Variants in TNPO1 observed in about 807,000 individuals in gnomAD.
TNPO1 encodes transportin-1.
A neutral mutation model predicts 119.5 loss-of-function variants in TNPO1; 8 were observed. The ratio of observed to expected loss-of-function variants is 0.07; its 90% CI spans 0.04 to 0.12. The LOEUF (loss-of-function observed/expected upper bound fraction) is 0.12. Among genes scored for constraint, TNPO1 ranks in the 10% least tolerant of loss-of-function variants. The pLI, the probability that TNPO1 is intolerant of heterozygous loss-of-function variation, is 1.00. For synonymous variants in TNPO1, 362 were observed against 363.0 expected (o/e 1.00, Z 0.03); for missense variants, 576 against 1,089.8 (o/e 0.53, Z 6.64).
At chr5:72,828,850 G>A (rs980784633) in intron 1 of TNPO1, among the ~76,000 whole-genome samples, 1 of 152,114 alleles carries the variant, frequency 6.6e-6, no homozygotes, top group Non-Finnish European at 1.5e-5. Context: ...AAAATTTCTA[G>A]ATGTGTATTA....
chr5:72,857,658 G>T (rs1047400623), intron 4 of TNPO1, among the ~76,000 whole-genome samples: 63 of 152,228 alleles, frequency 4.1e-4, no homozygotes, highest in African/African-American at 1.5e-3. Context: ...GGTTTCCTCT[G>T]AGTGTTGGCA....
rs1300513894 is a variant in TNPO1, at chr5:72,855,870, G to A, written c.302G>A (p.Ser101Asn). 2 of 1,613,316 alleles carry A rather than the reference G, an allele frequency of 1.2e-6. No individual in the cohort carries two copies. Among genetic ancestry groups the A allele is most frequent in the Admixed American group, 3.3e-5 (2 of 59,990 alleles). Residue 101 changes from serine (S) to asparagine (N), a missense_variant, in exon 4 of 25, where the codon AGT becomes AAT. Physicochemically the swap from Ser to Asn is conservative, Grantham distance 46. This residue lies in a region of TNPO1 where 310 missense variants were observed against 583.0 expected (regional missense o/e 0.53). Coordinates refer to ENST00000337273, the MANE Select transcript of TNPO1 (RefSeq NM_002270.4). Reference sequence around the variant, plus strand: ...AATGGTGTAACAGACTTTATTAAAAGTGAATGTTTAAATAATATTGGTGAC... The same window carrying A: ...AATGGTGTAACAGACTTTATTAAAAATGAATGTTTAAATAATATTGGTGAC... Reference protein sequence around the residue: ...FPNGVTDFIKSECLNNIGDSS... With the variant: ...FPNGVTDFIKNECLNNIGDSS...
intron 6 of TNPO1, 44 bp from the exon 7 acceptor site, chr5:72,872,595 A>G: frequency 7.1e-7 from 1 of 1,410,980 alleles, no homozygotes; most frequent in Non-Finnish European, 9.9e-7. Context: ...TAGATAGAAC[A>G]AAGTTACAAT....
intron 4 of TNPO1, among the ~76,000 whole-genome samples, chr5:72,858,749 A>G (rs1000228275): frequency 6.6e-6 from 1 of 151,798 alleles, no homozygotes; most frequent in Non-Finnish European, 1.5e-5. Flanking sequence ...AGGCAGGAGA[A>G]TGGCATGAAC....
chr5:72,835,135 C>A (rs150435644), intron 1 of TNPO1, among the ~76,000 whole-genome samples: 7 of 152,184 alleles, frequency 4.6e-5, no homozygotes, highest in African/African-American at 1.7e-4. Flanking sequence ...AATTGCCTAA[C>A]AATGCATTTC....
intron 9 of TNPO1, among the ~76,000 whole-genome samples, chr5:72,878,119 C>T (rs1348288067): frequency 6.6e-6 from 1 of 152,046 alleles, no homozygotes; most frequent in Non-Finnish European, 1.5e-5. Context: ...ACCATATTTA[C>T]ATAAATGACG....
At chr5:72,858,611 G>A (rs1210132372) in intron 4 of TNPO1, among the ~76,000 whole-genome samples, 1 of 152,170 alleles carries the variant, frequency 6.6e-6, no homozygotes. Flanking sequence ...GCCAAGGTGG[G>A]CGGATCACGA....
chr5:72,858,949 G>A (rs1028281250), intron 4 of TNPO1, among the ~76,000 whole-genome samples: 1 of 148,532 alleles, frequency 6.7e-6, no homozygotes, highest in African/African-American at 2.6e-5. Flanking sequence ...ACAAATCTGG[G>A]AAGGTTTTTT....
At chr5:72,862,170 G>A (rs1032863103) in intron 5 of TNPO1, among the ~76,000 whole-genome samples, 3 of 152,200 alleles carry the variant, frequency 2.0e-5, no homozygotes, top group Admixed American at 6.5e-5. Context: ...ATTCTTGGAT[G>A]TATATGTATG....
Position 72,911,454 on chromosome 5 carries a change from A to C in TNPO1, c.*2781A>C, listed in dbSNP as rs747823061. On this transcript the variant is annotated 3_prime_UTR_variant, in exon 25 of 25. Transcript: ENST00000337273. ...TGAGGTTATTGTTTCTTCCTAATTT[A>C]TATTTCAGATACATAGTGTAGAACA... 2.6e-5 allele frequency: 4 copies of C among 152,440 alleles called. No individual in the cohort carries two copies. Among genetic ancestry groups the C allele is most frequent in the African/African-American group, 4.8e-5 (2 of 41,438 alleles). 9.4% of individuals were successfully genotyped at this position (152,440 alleles called of 1,614,324 possible). A position where few individuals can be genotyped will look rare whatever the true frequency, so the allele number is the denominator to read the frequency against.
At chr5:72,855,065 C>T (rs1014527161) in intron 3 of TNPO1, among the ~76,000 whole-genome samples, 1 of 151,952 alleles carries the variant, frequency 6.6e-6, no homozygotes, top group Non-Finnish European at 1.5e-5. Context: ...ATCTTGGCTT[C>T]TCTGCTTGCA....
rs547233531 is a variant in TNPO1 at position 72,907,505 on chromosome 5, C to T, written c.*36-1204C>T. 2.8e-4 allele frequency among the ~76,000 whole-genome samples: 43 copies of T among 152,290 alleles called. 1 individual carries two copies. The South Asian group carries it at 8.9e-3, about 32-fold the overall frequency. ...GGATTAACTGCCCTCTGTGAATTCA[C>T]ATGAACGTTCATAAATGGCCAAAAC... On this transcript the variant is annotated intron_variant, in intron 24 of 24. Transcript: ENST00000337273.
At chr5:72,871,756 A>C (rs1747424322) in intron 6 of TNPO1, 1 of 152,272 alleles carries the variant, frequency 6.6e-6, no homozygotes, top group African/African-American at 2.4e-5. Flanking sequence ...CAAAAGAAAG[A>C]AACTTTGGGT....
chr5:72,826,346 A>G (rs1744205094), intron 1 of TNPO1, among the ~76,000 whole-genome samples: 1 of 152,144 alleles, frequency 6.6e-6, no homozygotes, highest in Non-Finnish European at 1.5e-5. Flanking sequence ...TGGTTTTTAC[A>G]TTTTTAAACG....
In TNPO1 at chr5:72,911,466, C is replaced by T. The variant is rs1260991362; in HGVS notation, c.*2793C>T. ...TTCTTCCTAATTTATATTTCAGATACATAGTGTAGAACAGGAATTTGCAGA... is the reference window on the plus strand; with the variant it reads ...TTCTTCCTAATTTATATTTCAGATATATAGTGTAGAACAGGAATTTGCAGA... On this transcript the variant is annotated 3_prime_UTR_variant, in exon 25 of 25. Coordinates refer to ENST00000337273, the MANE Select transcript of TNPO1 (RefSeq NM_002270.4). 1.3e-5 allele frequency: 2 copies of T among 151,670 alleles called. No individual in the cohort carries two copies. The highest frequency in any genetic ancestry group is 3.0e-5 in the Non-Finnish European group (2 of 67,416). The allele number at this position is 151,670 out of a possible 1,614,324, so 9.4% of individuals were successfully genotyped here. A position where few individuals can be genotyped will look rare whatever the true frequency, so the allele number is the denominator to read the frequency against.
intron 20 of TNPO1, among the ~76,000 whole-genome samples, chr5:72,899,327 A>C (rs1749654069): frequency 6.6e-6 from 1 of 152,176 alleles, no homozygotes; most frequent in South Asian, 2.1e-4. Flanking sequence ...ACAACATGAG[A>C]TTTGACATTG....
chr5:72,849,718 T>G (rs1745404789), intron 2 of TNPO1, among the ~76,000 whole-genome samples: 1 of 152,218 alleles, frequency 6.6e-6, no homozygotes, highest in Non-Finnish European at 1.5e-5. Context: ...TTTGGATACT[T>G]CTAGTACTGA....
chr5:72,886,949 C>A, intron 11 of TNPO1, 121 bp from the exon 12 acceptor site: 4 of 659,890 alleles, frequency 6.1e-6, no homozygotes, highest in South Asian at 4.0e-5. Flanking sequence ...ACCTCCTATT[C>A]AATTGAATTC....
At chr5:72,886,888 CAAAAAA>C (rs5868651) in intron 11 of TNPO1, among the ~76,000 whole-genome samples, 176 bp from the exon 12 acceptor site, 3 of 70,376 alleles carry the variant, frequency 4.3e-5, no homozygotes, top group African/African-American at 5.2e-5. Context: ...GACTCCATCT[CAAAAAA>C]AAAAAAAAAA....
Sources: gnomAD v4.1 joint callset for allele counts (sites outside exome capture counted in the v4.1 genomes callset) on GRCh38, gnomAD v4.1.1 for gene constraint, gnomAD v4.1.1 regional missense constraint, MANE v1.5 for transcripts, NCBI Gene and HGNC (gene_info 2026-07-23, HGNC 2026-07-21) for gene names.